KIAA1217: variants seen among roughly 807,000 people sequenced by gnomAD.
The protein encoded by KIAA1217 is sickle tail protein homolog.
Under a neutral mutation model 163.9 loss-of-function variants are expected in KIAA1217, and 88 were observed. That is an observed-to-expected ratio of 0.54 (90% CI 0.45 to 0.64). The LOEUF (loss-of-function observed/expected upper bound fraction) is 0.64, where lower values mean the gene tolerates loss of function less well. Among genes scored for constraint, KIAA1217 ranks in the 30% least tolerant of loss-of-function variants. The pLI, the probability that KIAA1217 is intolerant of heterozygous loss-of-function variation, is 0.00. For synonymous variants in KIAA1217, 903 were observed against 923.1 expected, an observed-to-expected ratio of 0.98 and a Z score of 0.39; for missense variants, 2,372 against 2,475.0, an observed-to-expected ratio of 0.96 and a Z score of 0.88.
intron 1 of KIAA1217, among the ~76,000 whole-genome samples, chr10:23,766,633 G>A (rs1834539995): frequency 1.4e-5 from 2 of 142,960 alleles, no homozygotes; most frequent in Non-Finnish European, 1.5e-5. Flanking sequence ...CTGTGACTCA[G>A]GCTGGAGTGC....
intron 2 of KIAA1217, among the ~76,000 whole-genome samples, chr10:24,139,678 G>A (rs1271563207): frequency 1.3e-5 from 2 of 152,086 alleles, no homozygotes; most frequent in African/African-American, 4.8e-5. Context: ...TCTGTGAAAT[G>A]GAGATGGTCA....
chr10:23,842,636 A>G (rs1838840565), intron 1 of KIAA1217, among the ~76,000 whole-genome samples: 1 of 152,100 alleles, frequency 6.6e-6, no homozygotes, highest in African/African-American at 2.4e-5. Context: ...GTACCACACT[A>G]TGTAACCAAC....
chr10:24,220,946 A>G (rs2069551028), intron 2 of KIAA1217, among the ~76,000 whole-genome samples: 1 of 151,848 alleles, frequency 6.6e-6, no homozygotes, highest in South Asian at 2.1e-4. Context: ...TTGGTAGTAG[A>G]GACGGGGTCT....
intron 1 of KIAA1217, among the ~76,000 whole-genome samples, chr10:23,849,639 G>A (rs779483658): frequency 2.0e-5 from 3 of 152,030 alleles, no homozygotes; most frequent in Admixed American, 6.6e-5. Flanking sequence ...AAACCTGCAC[G>A]TTGTGCACAT....
chr10:23,810,843 G>GTA (rs1206627233), intron 1 of KIAA1217, among the ~76,000 whole-genome samples: 1 of 118,682 alleles, frequency 8.4e-6, no homozygotes, highest in Non-Finnish European at 1.6e-5. Flanking sequence ...ATATTATATG[G>GTA]TATATATATT....
intron 1 of KIAA1217, among the ~76,000 whole-genome samples, chr10:23,770,726 C>A (rs1000916433): frequency 6.6e-6 from 1 of 152,122 alleles, no homozygotes; most frequent in African/African-American, 2.4e-5. Context: ...TCCTAATTTC[C>A]CCCAAAGCAA....
chr10:24,298,119 A>G (rs1221866714), intron 2 of KIAA1217, among the ~76,000 whole-genome samples: 1 of 152,216 alleles, frequency 6.6e-6, no homozygotes, highest in Non-Finnish European at 1.5e-5. Flanking sequence ...ATTTCAATTG[A>G]GAGGATACTG....
intron 2 of KIAA1217, among the ~76,000 whole-genome samples, chr10:24,187,898 A>G (rs2066518467): frequency 6.6e-6 from 1 of 151,412 alleles, no homozygotes; most frequent in African/African-American, 2.4e-5. Context: ...CTCAAAAAAA[A>G]AAAGATAAAA....
chr10:24,152,317 T>C (rs1330459118), intron 2 of KIAA1217, among the ~76,000 whole-genome samples: 4 of 152,256 alleles, frequency 2.6e-5, no homozygotes, highest in African/African-American at 4.8e-5. Context: ...AATATTCTTA[T>C]TGTAGTAAAT....
chr10:23,845,599 ATTTG>A (rs1372681977), intron 1 of KIAA1217, among the ~76,000 whole-genome samples: 4 of 151,948 alleles, frequency 2.6e-5, no homozygotes, highest in Non-Finnish European at 4.4e-5. Flanking sequence ...TTTCTTGTAA[ATTTG>A]TTTAAGTTAT....
At chr10:24,480,175 G>A (rs191883146) in intron 6 of KIAA1217, among the ~76,000 whole-genome samples, 192 of 152,352 alleles carry the variant, frequency 1.3e-3, no homozygotes, top group Non-Finnish European at 1.9e-3. Flanking sequence ...GCCCAGGGGG[G>A]CAAAATGCCC....
rs188532504 is a variant in KIAA1217 at position 24,479,479 on chromosome 10, G to A, written c.1679+5419G>A. On this transcript the variant is annotated intron_variant, in intron 6 of 20. Transcript: ENST00000376454. ...ATAGTAAAAAGTGAGCCACATCAGCGATATCCTAAGTAGTTACAGTTAGCA... is the reference window on the plus strand; with the variant it reads ...ATAGTAAAAAGTGAGCCACATCAGCAATATCCTAAGTAGTTACAGTTAGCA... Among the ~76,000 whole-genome samples the A allele has an allele frequency of 2.4e-3, 369 of 151,806 alleles. 1 individual carries two copies. The highest frequency in any genetic ancestry group is 7.3e-3 in the Admixed American group (112 of 15,278).
At chr10:24,361,891 C>T (rs1465502642) in intron 2 of KIAA1217, among the ~76,000 whole-genome samples, 2 of 146,846 alleles carry the variant, frequency 1.4e-5, no homozygotes, top group African/African-American at 2.5e-5. Flanking sequence ...AGGAGAATGG[C>T]GTGAACCAGG....
At chr10:24,402,333 T>C (rs548900725) in intron 3 of KIAA1217, among the ~76,000 whole-genome samples, 89 of 151,860 alleles carry the variant, frequency 5.9e-4, no homozygotes, top group East Asian at 9.7e-4. Flanking sequence ...GGTGAAACCC[T>C]GTCTCTACTA....
chr10:24,028,691 TC>T (rs1211914596), intron 2 of KIAA1217, among the ~76,000 whole-genome samples: 1 of 152,184 alleles, frequency 6.6e-6, no homozygotes, highest in Admixed American at 6.6e-5. Context: ...ACATGTGTAT[TC>T]TTTGCATTGT....
At chr10:24,311,279 A>C (rs753903158) in intron 2 of KIAA1217, among the ~76,000 whole-genome samples, 1 of 152,056 alleles carries the variant, frequency 6.6e-6, no homozygotes, top group Non-Finnish European at 1.5e-5. Flanking sequence ...AGACTGGTTG[A>C]TATTTGGAGG....
chr10:23,731,459 C>T (rs751201174), intron 1 of KIAA1217, among the ~76,000 whole-genome samples: 10 of 152,128 alleles, frequency 6.6e-5, no homozygotes, highest in South Asian at 6.2e-4. Context: ...TGACCAGGAG[C>T]GCTTCATGGT....
intron 1 of KIAA1217, among the ~76,000 whole-genome samples, chr10:23,780,289 T>C (rs1406035619): frequency 1.3e-5 from 2 of 152,188 alleles, no homozygotes; most frequent in Admixed American, 6.5e-5. Context: ...GCACCTAAAA[T>C]CTACTCTCTT....
At chr10:23,782,583 C>T (rs1331892291) in intron 1 of KIAA1217, among the ~76,000 whole-genome samples, 2 of 152,142 alleles carry the variant, frequency 1.3e-5, no homozygotes, top group African/African-American at 2.4e-5. Context: ...CATGCATGAG[C>T]GAACACACCT....
Sources: gnomAD v4.1 joint callset for allele counts (sites outside exome capture counted in the v4.1 genomes callset) on GRCh38, gnomAD v4.1.1 for gene constraint, MANE v1.5 for transcripts, NCBI Gene and HGNC (gene_info 2026-07-23, HGNC 2026-07-21) for gene names.